Variants in STXBP3 observed in about 807,000 individuals in gnomAD.
The protein encoded by STXBP3 is syntaxin-binding protein 3.
A neutral mutation model predicts 85.7 loss-of-function variants in STXBP3; 41 were observed. That is an observed-to-expected ratio of 0.48 (90% CI 0.37 to 0.62). The LOEUF is 0.62. STXBP3 is among the 20% of genes least tolerant of loss of function. The pLI is 0.00. For synonymous variants in STXBP3, 229 were observed against 231.7 expected (o/e 0.99, Z 0.10); for missense variants, 563 against 703.1 (o/e 0.80, Z 2.25).
rs187183059 is a variant in STXBP3 at position 108,750,825 on chromosome 1, G to C, written c.50-1432G>C. On this transcript the variant is annotated intron_variant, in intron 1 of 18. Transcript: ENST00000370008. ...TTCCTACAACCTCCCTTCCCTTTCA[G>C]GTTCATTAATTTGCTGGAATGGCTC... 9.2e-5 allele frequency among the ~76,000 whole-genome samples: 14 copies of C among 152,198 alleles called. No individual in the cohort carries two copies. The East Asian group carries it at 2.7e-3, about 29-fold the overall frequency.
At chr1:108,775,952 C>CACACACACAT (rs1390755217) in intron 7 of STXBP3, among the ~76,000 whole-genome samples, 5 of 138,248 alleles carry the variant, frequency 3.6e-5, no homozygotes, top group African/African-American at 1.3e-4. Flanking sequence ...CACACACACA[C>CACACACACAT]ATACATATGA....
At chr1:108,765,591 T>TTTTTTTTTTTTC (rs796642937) in intron 6 of STXBP3, among the ~76,000 whole-genome samples, 6 of 122,650 alleles carry the variant, frequency 4.9e-5, no homozygotes, top group Non-Finnish European at 6.7e-5. Flanking sequence ...TTTTTTTTTT[T>TTTTTTTTTTTTC]TGAGACGGAG....
intron 15 of STXBP3, 144 bp downstream of exon 15, chr1:108,796,870 C>T: frequency 1.9e-6 from 1 of 531,800 alleles, no homozygotes. Context: ...AGATTTTGTT[C>T]TCTTTTCCAT....
At chr1:108,757,872 A>G (rs1385410901) in intron 4 of STXBP3, among the ~76,000 whole-genome samples, 1 of 152,126 alleles carries the variant, frequency 6.6e-6, no homozygotes, top group Non-Finnish European at 1.5e-5. Context: ...TGAATGAAAT[A>G]TATGAATAAA....
Position 108,793,147 on chromosome 1 carries a change from T to G in STXBP3, c.964-435T>G, listed in dbSNP as rs183942321. On this transcript the variant is annotated intron_variant, in intron 11 of 18. Transcript: ENST00000370008. ...CAAAATCTACCTCACAGCCCCAAGC[T>G]CTTATCTCCATTTTTTTTTTTTTTT... Among the ~76,000 whole-genome samples the G allele has an allele frequency of 9.1e-4, 135 of 148,388 alleles. 5 individuals carry two copies. In the South Asian group the frequency reaches 0.013, roughly 15 times the overall value.
chr1:108,779,496 T>C (rs1165966531), intron 9 of STXBP3, 86 bp downstream of exon 9: 2 of 1,363,750 alleles, frequency 1.5e-6, no homozygotes, highest in Non-Finnish European at 1.9e-6. Flanking sequence ...GCACCAGAAA[T>C]CTGAAAGCCC....
chr1:108,750,867 C>T (rs1049547072), intron 1 of STXBP3, among the ~76,000 whole-genome samples: 3 of 152,166 alleles, frequency 2.0e-5, no homozygotes, highest in Non-Finnish European at 2.9e-5. Flanking sequence ...CTTCAGAAAA[C>T]GCTTAACTTA....
Position 108,765,570 on chromosome 1 carries a change from A to ATTTTTTTTTTTT in STXBP3, c.438+5496_438+5507dup, listed in dbSNP as rs35813823. 4.5e-5 allele frequency among the ~76,000 whole-genome samples: 3 copies of ATTTTTTTTTTTT among 67,168 alleles called. 1 individual carries two copies. Among genetic ancestry groups the ATTTTTTTTTTTT allele is most frequent in the Non-Finnish European group, 9.3e-5 (3 of 32,162 alleles). The allele number at this position is 67,168 out of a possible 152,430, so 44.1% of individuals were successfully genotyped here. A position where few individuals can be genotyped will look rare whatever the true frequency, so the allele number is the denominator to read the frequency against. ...TCATGGTAAAAAGCACCACATGCTA[A>ATTTTTTTTTTTT]TTTTTTTTTTTTTTTTTTTTTTGAG... On this transcript the variant is annotated intron_variant, in intron 6 of 18. Transcript: ENST00000370008.
At chr1:108,753,399 A>G (rs977362502) in intron 3 of STXBP3, among the ~76,000 whole-genome samples, 1 of 127,050 alleles carries the variant, frequency 7.9e-6, no homozygotes, top group African/African-American at 2.7e-5. Context: ...TTTTACTCAT[A>G]TATACATATA....
chr1:108,790,419 GTA>G (rs1026685447), intron 11 of STXBP3, among the ~76,000 whole-genome samples: 8 of 151,986 alleles, frequency 5.3e-5, no homozygotes, highest in African/African-American at 1.9e-4. Flanking sequence ...TGTTTACATA[GTA>G]TATCTTTTCC....
At chr1:108,775,685 C>T (rs1323349689) in intron 7 of STXBP3, among the ~76,000 whole-genome samples, 1 of 152,038 alleles carries the variant, frequency 6.6e-6, no homozygotes, top group East Asian at 1.9e-4. Flanking sequence ...TGGCTTATTT[C>T]GCTTAACATG....
chr1:108,787,171 G>A (rs113381171), intron 11 of STXBP3, among the ~76,000 whole-genome samples: 28 of 151,932 alleles, frequency 1.8e-4, no homozygotes, highest in African/African-American at 6.5e-4. Flanking sequence ...TTAAGAGATC[G>A]GAACTCTGTT....
intron 6 of STXBP3, among the ~76,000 whole-genome samples, chr1:108,761,320 GTAAGT>G (rs1478214083): frequency 7.1e-6 from 1 of 140,192 alleles, no homozygotes; most frequent in Non-Finnish European, 1.6e-5. Flanking sequence ...ATTTTAATAT[GTAAGT>G]TTAGTATAGG....
chr1:108,798,231 T>C lies in STXBP3; in HGVS notation c.1443T>C (p.Ile481=). The C allele has an allele frequency of 5.0e-6, 8 of 1,608,214 alleles. No homozygotes were observed. Among genetic ancestry groups the C allele is most frequent in the Non-Finnish European group, 6.8e-6 (8 of 1,177,962 alleles). Reference sequence around the variant, plus strand: ...GGTGGACACCTTTTATCAAAGATATTATGGAGGTAAAAATCATTAAAATGT... The same window carrying C: ...GGTGGACACCTTTTATCAAAGATATCATGGAGGTAAAAATCATTAAAATGT... ...LSRWTPFIKD[I]MEDAIDNRLD... The change falls in exon 16 of 19, where the codon ATT becomes ATC. Residue 481 remains isoleucine (I), a synonymous_variant. Coordinates refer to ENST00000370008, the MANE Select transcript of STXBP3 (RefSeq NM_007269.4).
At chr1:108,775,952 C>T (rs1159556167) in intron 7 of STXBP3, among the ~76,000 whole-genome samples, 2 of 138,248 alleles carry the variant, frequency 1.4e-5, no homozygotes, top group South Asian at 2.3e-4. Context: ...CACACACACA[C>T]ATACATATGA....
chr1:108,796,802 T>TA, intron 15 of STXBP3, 76 bp downstream of exon 15: 1 of 1,082,244 alleles, frequency 9.2e-7, no homozygotes, highest in Non-Finnish European at 1.3e-6. Context: ...GTTTTTTTTT[T>TA]TTATGTGGAC....
Position 108,758,511 on chromosome 1 carries a change from C to T in STXBP3, c.260C>T (p.Ser87Phe). 6.6e-7 allele frequency: 1 copy of T among 1,504,640 alleles called. No individual in the cohort carries two copies. The highest frequency in any genetic ancestry group is 9.0e-7 in the Non-Finnish European group (1 of 1,113,306). 93.2% of individuals were successfully genotyped at this position (1,504,640 alleles called of 1,614,324 possible). ...TATTAACATCTAACCTTTTTTAAGTCTGTAGATTGTTTCTTACATGATTTT... is the reference window on the plus strand; with the variant it reads ...TATTAACATCTAACCTTTTTTAAGTTTGTAGATTGTTTCTTACATGATTTT... ...ALYFITPTSK[S>F]VDCFLHDFAS... is the part of the protein sequence containing the mutation. The change falls in exon 5 of 19, where the codon TCT becomes TTT. Residue 87 changes from serine to phenylalanine, a missense_variant and splice_region_variant. Around this residue, in one of 3 missense-constraint regions of STXBP3, gnomAD observed 32 missense variants for 70.6 expected, o/e 0.45. Coordinates refer to ENST00000370008, the MANE Select transcript of STXBP3 (RefSeq NM_007269.4).
chr1:108,767,878 C>T (rs529263507), intron 6 of STXBP3, among the ~76,000 whole-genome samples: 1 of 152,120 alleles, frequency 6.6e-6, no homozygotes, highest in African/African-American at 2.4e-5. Context: ...GCCACCACTC[C>T]CAGCCATACT....
intron 13 of STXBP3, among the ~76,000 whole-genome samples, chr1:108,795,309 T>C (rs1216361439): frequency 6.6e-6 from 1 of 152,110 alleles, no homozygotes; most frequent in African/African-American, 2.4e-5. Context: ...ACAAGCTGCA[T>C]GTAATTTTAA....
Sources: allele counts gnomAD v4.1 joint callset (sites outside exome capture counted in the v4.1 genomes callset), GRCh38; gene constraint gnomAD v4.1.1; regional missense constraint gnomAD v4.1.1; transcripts MANE v1.5; gene names NCBI Gene and HGNC (gene_info 2026-07-23, HGNC 2026-07-21).